The following NALF1 variants were observed in gnomAD, a reference collection of about 807,000 sequenced individuals.
NALF1 encodes family with sequence similarity 155 member A.
In NALF1, 3 loss-of-function variants were observed where a neutral mutation model predicts 48.4. That is an observed-to-expected ratio of 0.06 (90% CI 0.03 to 0.16). NALF1 has a LOEUF of 0.16. Ranked by LOEUF, NALF1 falls within the 10% of genes least tolerant of loss-of-function variation. NALF1 has a pLI of 1.00. For synonymous variants in NALF1, 262 were observed against 245.7 expected (o/e 1.07, Z -0.62); for missense variants, 526 against 571.5 (o/e 0.92, Z 0.81).
In NALF1 at chr13:107,850,640, C is replaced by T. The variant is rs140835013; in HGVS notation, c.915+15042G>A. Among the ~76,000 whole-genome samples the T allele has an allele frequency of 5.4e-3, 821 of 152,260 alleles. 7 individuals carry two copies. The highest frequency in any genetic ancestry group is 0.024 in the Middle Eastern group (7 of 294). On this transcript the variant is annotated intron_variant, in intron 1 of 2. Transcript: ENST00000375915. ...TTGGCTGGCCAGGCACGGTGACTCA[C>T]GCCTATAATCCCAGCACTTTGGGAG...
chr13:107,578,565 T>TTTAA (rs1878216642), intron 1 of NALF1, among the ~76,000 whole-genome samples: 1 of 152,188 alleles, frequency 6.6e-6, no homozygotes, highest in Non-Finnish European at 1.5e-5. Context: ...CATTCTGGCA[T>TTTAA]TTAATTCATA....
chr13:107,635,268 C>T (rs1312402067), intron 1 of NALF1, among the ~76,000 whole-genome samples: 1 of 152,078 alleles, frequency 6.6e-6, no homozygotes, highest in Non-Finnish European at 1.5e-5. Context: ...CACAGTTCCT[C>T]ATGGCTCGGG....
chr13:107,367,980 A>G (rs1225295363), intron 1 of NALF1, among the ~76,000 whole-genome samples: 7 of 152,230 alleles, frequency 4.6e-5, no homozygotes, highest in Non-Finnish European at 1.5e-5. Context: ...TGATAATAAA[A>G]GGTGGATGGT....
At chr13:107,618,881 T>C (rs897997834) in intron 1 of NALF1, among the ~76,000 whole-genome samples, 9 of 152,200 alleles carry the variant, frequency 5.9e-5, no homozygotes, top group South Asian at 2.1e-4. Context: ...ATAGGAACAA[T>C]AGCAAAAGCT....
At chr13:107,306,524 AG>A (rs1353851227) in intron 1 of NALF1, among the ~76,000 whole-genome samples, 1 of 152,224 alleles carries the variant, frequency 6.6e-6, no homozygotes, top group Non-Finnish European at 1.5e-5. Flanking sequence ...TTGAGGATTA[AG>A]GGAAGTGGCT....
intron 1 of NALF1, among the ~76,000 whole-genome samples, chr13:107,625,991 C>T (rs1000056994): frequency 1.3e-5 from 2 of 151,998 alleles, no homozygotes; most frequent in Non-Finnish European, 2.9e-5. Context: ...CTCAATAATG[C>T]TTATTTTAAA....
intron 1 of NALF1, among the ~76,000 whole-genome samples, chr13:107,603,005 T>C (rs573415521): frequency 1.3e-5 from 2 of 152,364 alleles, no homozygotes; most frequent in East Asian, 3.9e-4. Flanking sequence ...ACAGACTCTC[T>C]GGTCTCAGTC....
chr13:107,686,210 T>C (rs1299642241), intron 1 of NALF1, among the ~76,000 whole-genome samples: 1 of 152,012 alleles, frequency 6.6e-6, no homozygotes, highest in East Asian at 1.9e-4. Context: ...GCTGGGAGTA[T>C]AGGGGAGACA....
At position 107,178,956 on chromosome 13, in the gene NALF1, A is replaced by C. The variant is rs557658636; in HGVS notation, c.1088-8170T>G. On this transcript the variant is annotated intron_variant, in intron 2 of 2. Transcript: ENST00000375915. ...TGAGACTCTGTCTCAAAAAACAAACAAAAAAAAAAAACAAAAAATAGAGCT... is the reference window on the plus strand; with the variant it reads ...TGAGACTCTGTCTCAAAAAACAAACCAAAAAAAAAAACAAAAAATAGAGCT... Among the ~76,000 whole-genome samples the C allele has an allele frequency of 4.5e-3, 520 of 114,898 alleles. 6 individuals are homozygous for C. The highest frequency in any genetic ancestry group is 0.016 in the African/African-American group (479 of 30,638). 75.4% of individuals were successfully genotyped at this position (114,898 alleles called of 152,430 possible).
intron 1 of NALF1, among the ~76,000 whole-genome samples, chr13:107,690,014 A>C (rs1414885230): frequency 1.3e-5 from 2 of 152,246 alleles, no homozygotes; most frequent in African/African-American, 4.8e-5. Context: ...TTAAGAAAGG[A>C]GCTAAATGTA....
At chr13:107,716,263 G>C (rs1485783511) in intron 1 of NALF1, among the ~76,000 whole-genome samples, 2 of 152,204 alleles carry the variant, frequency 1.3e-5, no homozygotes, top group Non-Finnish European at 2.9e-5. Flanking sequence ...TTGGAAAAGA[G>C]AACTTTCAAC....
At chr13:107,728,326 T>C (rs913665289) in intron 1 of NALF1, among the ~76,000 whole-genome samples, 7 of 152,182 alleles carry the variant, frequency 4.6e-5, no homozygotes, top group African/African-American at 7.2e-5. Flanking sequence ...ATGTGGCACA[T>C]ATACACCATG....
chr13:107,566,672 T>C (rs1333744120), intron 1 of NALF1, among the ~76,000 whole-genome samples: 3 of 152,214 alleles, frequency 2.0e-5, no homozygotes, highest in African/African-American at 7.2e-5. Flanking sequence ...ATGTCTTTTA[T>C]TTGCATACCA....
intron 1 of NALF1, among the ~76,000 whole-genome samples, chr13:107,500,690 A>G (rs1331034346): frequency 6.6e-6 from 1 of 151,124 alleles, no homozygotes; most frequent in Non-Finnish European, 1.5e-5. Flanking sequence ...AATAGCAAAG[A>G]CTTGGAACCA....
chr13:107,701,553 A>G (rs1428658308), intron 1 of NALF1, among the ~76,000 whole-genome samples: 1 of 152,146 alleles, frequency 6.6e-6, no homozygotes, highest in African/African-American at 2.4e-5. Context: ...GACACAAACT[A>G]GCAGATATGT....
rs575123150 is a variant in NALF1, at chr13:107,624,445, T to C, written c.915+241237A>G. 5.3e-5 allele frequency among the ~76,000 whole-genome samples: 8 copies of C among 152,286 alleles called. No homozygotes were observed. In the South Asian group the frequency reaches 1.7e-3, roughly 32 times the overall value. On this transcript the variant is annotated intron_variant, in intron 1 of 2. Coordinates refer to ENST00000375915, the MANE Select transcript of NALF1 (RefSeq NM_001080396.3). ...AAGAAATCAGAAACTCCTTAATCTG[T>C]AGTTCTGGAAAAAACCACAGGATGT...
At chr13:107,350,417 G>A (rs945743967) in intron 1 of NALF1, among the ~76,000 whole-genome samples, 1 of 152,150 alleles carries the variant, frequency 6.6e-6, no homozygotes, top group African/African-American at 2.4e-5. Flanking sequence ...TTCTTTTTAA[G>A]AGTTAACAAA....
chr13:107,501,124 A>G (rs1216988539), intron 1 of NALF1, among the ~76,000 whole-genome samples: 2 of 152,094 alleles, frequency 1.3e-5, no homozygotes, highest in Non-Finnish European at 2.9e-5. Flanking sequence ...TTAAAAAAAA[A>G]GACAGTGCCT....
chr13:107,741,355 A>ACAAT (rs1023119681), intron 1 of NALF1, among the ~76,000 whole-genome samples: 77 of 152,326 alleles, frequency 5.1e-4, no homozygotes, highest in African/African-American at 1.8e-3. Context: ...GATCAATGAA[A>ACAAT]CAATCAATTT....
Sources: gnomAD v4.1 joint callset for allele counts (sites outside exome capture counted in the v4.1 genomes callset) on GRCh38, gnomAD v4.1.1 for gene constraint, MANE v1.5 for transcripts, NCBI Gene and HGNC (gene_info 2026-07-23, HGNC 2026-07-21) for gene names.